Variants in ICE1 observed in about 807,000 individuals in gnomAD.
ICE1 encodes the protein little elongation complex subunit 1.
Under a neutral mutation model 192.7 loss-of-function variants are expected in ICE1, and 64 were observed. The ratio of observed to expected loss-of-function variants is 0.33; its 90% CI spans 0.27 to 0.41. The LOEUF (loss-of-function observed/expected upper bound fraction) is 0.41. Among genes scored for constraint, ICE1 ranks in the 10% least tolerant of loss-of-function variants. The pLI is 1.00. For missense variants in ICE1, 2,708 were observed against 2,696.0 expected, an observed-to-expected ratio of 1.00 and a Z score of -0.10; for synonymous variants, 1,010 against 984.5, an observed-to-expected ratio of 1.03 and a Z score of -0.49.
chr5:5,475,097 C>A (rs1032505932), intron 16 of ICE1, among the ~76,000 whole-genome samples: 7 of 152,182 alleles, frequency 4.6e-5, no homozygotes, highest in African/African-American at 1.7e-4. Flanking sequence ...CTCATGGGAA[C>A]CCATGAGGCA....
intron 18 of ICE1, among the ~76,000 whole-genome samples, chr5:5,487,295 C>A (rs1415363754): frequency 1.3e-5 from 2 of 152,150 alleles, no homozygotes; most frequent in Non-Finnish European, 2.9e-5. Context: ...GTGGGGATTT[C>A]TATTATCATT....
In ICE1 at chr5:5,454,534, C is replaced by CT. The variant is rs2111366627; in HGVS notation, c.605-15dup. 1.9e-6 allele frequency: 3 copies of CT among 1,597,960 alleles called. No individual in the cohort carries two copies. The Admixed American group carries it at 5.0e-5, about 27-fold the overall frequency. Reference sequence around the variant, plus strand: ...TGAGCCAAATGACGTGACTTTAATGCTTTGCTCTGTTTCACAGGAAAAGTG... The same window carrying CT: ...TGAGCCAAATGACGTGACTTTAATGCTTTTGCTCTGTTTCACAGGAAAAGTG... On this transcript the variant is annotated splice_polypyrimidine_tract_variant and intron_variant, in intron 10 of 18. Transcript: ENST00000296564.
At position 5,457,604 on chromosome 5, in the gene ICE1, C is replaced by G. The variant is rs369820639; in HGVS notation, c.964C>G (p.His322Asp). 6.2e-7 allele frequency: 1 copy of G among 1,613,842 alleles called. No homozygotes were observed. The highest frequency in any genetic ancestry group is 1.3e-5 in the African/African-American group (1 of 74,906). Residue 322 changes from histidine to aspartate, a missense_variant, in exon 12 of 19, where the codon CAT (histidine) becomes GAT (aspartate). By Grantham distance (81) the His-to-Asp change is moderately conservative (BLOSUM62 -1). This residue lies in a region of ICE1 where 2,366 missense variants were observed against 2,276.6 expected (regional missense o/e 1.04). Transcript: ENST00000296564. ...CGGTGGTAGTACTGAATTTGTTGAT[C>G]ATGATCATTTTTTTGATGAAGATCT... ...RDGGSTEFVDHDHFFDEDLQA... is the reference protein window; with the variant it reads ...RDGGSTEFVDDDHFFDEDLQA...
In ICE1 at chr5:5,463,081, T is replaced by C; in HGVS notation, c.3747T>C (p.Ser1249=). The change falls in exon 13 of 19, where the codon AGT becomes AGC. Residue 1249 remains serine (S), a synonymous_variant. Coordinates refer to ENST00000296564, the MANE Select transcript of ICE1 (RefSeq NM_015325.3). ...EEDDYSLKNT[S]QLTQCSLETL... is the part of the protein sequence containing the mutation. ...ATGATTATTCGTTAAAAAATACAAG[T>C]CAGCTCACTCAGTGTTCTTTGGAAA... The C allele has an allele frequency of 6.2e-7, 1 of 1,613,392 alleles. No homozygotes were observed. The highest frequency in any genetic ancestry group is 8.5e-7 in the Non-Finnish European group (1 of 1,179,688).
intron 16 of ICE1, 53 bp from the exon 17 acceptor site, chr5:5,475,920 A>C: frequency 2.9e-6 from 3 of 1,024,448 alleles, no homozygotes; most frequent in East Asian, 4.8e-5. Flanking sequence ...ATAAGATATT[A>C]GTATTATTTG....
In ICE1 at chr5:5,460,805, A is replaced by G; in HGVS notation, c.1471A>G (p.Met491Val). Residue 491 changes from methionine (M) to valine (V), a missense_variant, in exon 13 of 19, where the codon ATG becomes GTG. Around this residue, in one of 2 missense-constraint regions of ICE1, gnomAD observed 2,366 missense variants for 2,276.6 expected, o/e 1.04. Coordinates refer to ENST00000296564, the MANE Select transcript of ICE1 (RefSeq NM_015325.3). ...ETKTQMEVREMDKSVQTEKTI... is the reference protein window; with the variant it reads ...ETKTQMEVREVDKSVQTEKTI... The stretch of plus-strand genomic sequence containing the variant: ...AAAAACACAAATGGAGGTTAGGGAG[A>G]TGGATAAGTCAGTACAAACTGAGAA... 1.2e-6 allele frequency: 2 copies of G among 1,614,014 alleles called. No homozygotes were observed. The highest frequency in any genetic ancestry group is 1.7e-6 in the Non-Finnish European group (2 of 1,179,892).
At chr5:5,428,765 C>T (rs1341075910) in intron 1 of ICE1, among the ~76,000 whole-genome samples, 2 of 152,194 alleles carry the variant, frequency 1.3e-5, no homozygotes, top group South Asian at 2.1e-4. Context: ...TACTCAAAGT[C>T]ATGTCAGGAA....
In ICE1 at chr5:5,463,804, A is replaced by G. The variant is rs535232099; in HGVS notation, c.4470A>G (p.Ser1490=). The G allele has an allele frequency of 4.3e-6, 7 of 1,613,980 alleles. No individual in the cohort carries two copies. The highest frequency in any genetic ancestry group is 2.2e-5 in the South Asian group (2 of 91,076). ...AGGCTCCATGTGGCAATAATCTTTC[A>G]TGTCCCCAAGAGGATGTTTCAAGCA... ...FQEAPCGNNL[S]CPQEDVSSSG... is the part of the protein sequence containing the mutation. The change falls in exon 13 of 19, where the codon TCA becomes TCG. Residue 1490 remains serine (S), a synonymous_variant. Transcript: ENST00000296564.
rs773925550 is a variant in ICE1, at chr5:5,441,142, A to C, written c.228A>C (p.Glu76Asp). The change falls in exon 5 of 19, where the codon GAA becomes GAC. Residue 76 changes from glutamate to aspartate, a missense_variant. Glu to Asp is a conservative substitution (Grantham distance 45). This residue lies in a region of ICE1 where 2,366 missense variants were observed against 2,276.6 expected (regional missense o/e 1.04). Transcript: ENST00000296564. ...ATAGTAATCTGCATCACCAAGTGGA[A>C]GAGATGCTTCAAAAAATTTCTCCTC... ...RENSNLHHQV[E>D]EMLQKISPLQ... The C allele has an allele frequency of 2.7e-5, 42 of 1,560,096 alleles. No homozygotes were observed. Among genetic ancestry groups the C allele is most frequent in the African/African-American group, 5.4e-5 (4 of 73,636 alleles).
At chr5:5,474,758 T>C (rs1561097661) in intron 16 of ICE1, among the ~76,000 whole-genome samples, 1 of 152,172 alleles carries the variant, frequency 6.6e-6, no homozygotes. Context: ...GGTTTGATAA[T>C]CCATATCCTT....
In ICE1 at chr5:5,462,756, C is replaced by T. The variant is rs1047450996; in HGVS notation, c.3422C>T (p.Ala1141Val). The change falls in exon 13 of 19, where the codon GCC (alanine) becomes GTC (valine). Residue 1141 changes from alanine to valine, a missense_variant. Physicochemically the swap from Ala to Val is moderately conservative, Grantham distance 64. Transcript: ENST00000296564. ...TTAGGAGACACAGATGCTGCTGTAG[C>T]CGAGGTGAGACCTTCCTTAGAGGTA... ...KNLGDTDAAV[A>V]EVRPSLEVGY... 1.9e-6 allele frequency: 3 copies of T among 1,613,576 alleles called. No individual in the cohort carries two copies. Among genetic ancestry groups the T allele is most frequent in the African/African-American group, 2.7e-5 (2 of 74,894 alleles).
At chr5:5,427,693 G>T (rs1202151459) in intron 1 of ICE1, among the ~76,000 whole-genome samples, 1 of 152,152 alleles carries the variant, frequency 6.6e-6, no homozygotes, top group Non-Finnish European at 1.5e-5. Flanking sequence ...ATTTAGAAAT[G>T]GTTCTTTTAC....
At position 5,462,703 on chromosome 5, in the gene ICE1, A is replaced by G. The variant is rs1280870179; in HGVS notation, c.3369A>G (p.Gln1123=). 4 of 1,613,952 alleles carry G rather than the reference A, an allele frequency of 2.5e-6. No individual in the cohort carries two copies. The highest frequency in any genetic ancestry group is 1.3e-5 in the African/African-American group (1 of 75,056). Residue 1123 remains glutamine, a synonymous_variant, in exon 13 of 19, where the codon CAA becomes CAG. Transcript: ENST00000296564. ...GCTGCAGTGAGGGGAGCGAACAGCA[A>G]GATGCTCCTGATGACTCACAGAAAA... is the stretch of plus-strand genomic sequence containing the variant. The part of the protein sequence containing the change: ...AFSCSEGSEQ[Q]DAPDDSQKNL...
chr5:5,434,988 C>T (rs1408125063), intron 1 of ICE1, among the ~76,000 whole-genome samples: 1 of 152,168 alleles, frequency 6.6e-6, no homozygotes, highest in Non-Finnish European at 1.5e-5. Flanking sequence ...GTGTAAACCT[C>T]TGAAATGCAT....
intron 11 of ICE1, among the ~76,000 whole-genome samples, chr5:5,457,100 A>G (rs2619826): frequency 0.99 from 151,108 of 152,286 alleles, 74,971 homozygotes; most frequent in East Asian, 1. Context: ...CCACCGGTCC[A>G]TCTCACCTGT....
chr5:5,447,329 A>G, intron 7 of ICE1, 98 bp from the exon 8 acceptor site: 1 of 768,222 alleles, frequency 1.3e-6, no homozygotes, highest in South Asian at 2.1e-5. Flanking sequence ...AAGAAATGAG[A>G]AAAACTTGTA....
chr5:5,484,334 T>C (rs1739580321), intron 17 of ICE1, among the ~76,000 whole-genome samples: 1 of 152,226 alleles, frequency 6.6e-6, no homozygotes, highest in Non-Finnish European at 1.5e-5. Context: ...TGATGATATA[T>C]TTCCTGGGAA....
At position 5,460,477 on chromosome 5, in the gene ICE1, C is replaced by G; in HGVS notation, c.1143C>G (p.Asp381Glu). Residue 381 changes from aspartate (D) to glutamate (E), a missense_variant, in exon 13 of 19, where the codon GAC becomes GAG. Asp to Glu is a conservative substitution (Grantham distance 45). Transcript: ENST00000296564. The stretch of plus-strand genomic sequence containing the variant: ...AATACACAGATTCCAGCGATAATGA[C>G]TCAGTCCAGCTTAGAAATTCTGCTG... Reference protein sequence around the residue: ...FGEYTDSSDNDSVQLRNSAEC... With the variant: ...FGEYTDSSDNESVQLRNSAEC... The G allele has an allele frequency of 6.2e-7, 1 of 1,608,546 alleles. No homozygotes were observed. The highest frequency in any genetic ancestry group is 2.2e-5 in the East Asian group (1 of 44,822).
At chr5:5,486,258 G>C (rs537986775) in intron 17 of ICE1, among the ~76,000 whole-genome samples, 40 of 152,314 alleles carry the variant, frequency 2.6e-4, no homozygotes, top group South Asian at 1.9e-3. Flanking sequence ...CAGTCCGGTA[G>C]TTTGATCTGC....
Sources: gnomAD v4.1 joint callset for allele counts (sites outside exome capture counted in the v4.1 genomes callset) on GRCh38, gnomAD v4.1.1 for gene constraint, gnomAD v4.1.1 regional missense constraint, MANE v1.5 for transcripts, NCBI Gene and HGNC (gene_info 2026-07-23, HGNC 2026-07-21) for gene names.